PPP2R2B: variants seen among roughly 807,000 people sequenced by gnomAD.
PPP2R2B encodes protein phosphatase 2 regulatory subunit Bbeta, also known as serine/threonine-protein phosphatase 2A 55 kDa regulatory subunit B beta isoform.
In PPP2R2B, 5 loss-of-function variants were observed where a neutral mutation model predicts 46.0. The ratio of observed to expected loss-of-function variants is 0.11; its 90% CI spans 0.06 to 0.23. The LOEUF (loss-of-function observed/expected upper bound fraction) is 0.23. Ranked by LOEUF, PPP2R2B falls within the 10% of genes least tolerant of loss-of-function variation. PPP2R2B has a pLI of 1.00. For synonymous variants in PPP2R2B, 215 were observed against 206.7 expected (o/e 1.04, Z -0.34); for missense variants, 367 against 575.0 (o/e 0.64, Z 3.70).
intron 2 of PPP2R2B, among the ~76,000 whole-genome samples, chr5:146,745,951 T>C (rs1371921399): frequency 9.0e-6 from 1 of 111,666 alleles, no homozygotes; most frequent in Admixed American, 1.0e-4. Context: ...GAGAGAGACT[T>C]GGTCTCAAAG....
At chr5:146,673,558 A>G (rs1777511009) in intron 5 of PPP2R2B, among the ~76,000 whole-genome samples, 1 of 152,172 alleles carries the variant, frequency 6.6e-6, no homozygotes, top group Non-Finnish European at 1.5e-5. Context: ...CTGAGGGGAA[A>G]TGCATGGCCC....
At chr5:146,809,875 G>A (rs1757418715) in intron 2 of PPP2R2B, among the ~76,000 whole-genome samples, 1 of 152,186 alleles carries the variant, frequency 6.6e-6, no homozygotes. Context: ...AGTGCAGGTG[G>A]GAAATGGCAG....
intron 2 of PPP2R2B, among the ~76,000 whole-genome samples, chr5:146,875,854 A>C (rs1464996011): frequency 6.6e-6 from 1 of 152,168 alleles, no homozygotes; most frequent in Non-Finnish European, 1.5e-5. Flanking sequence ...GTATACTAAC[A>C]CTTCTTAAGG....
intron 2 of PPP2R2B, among the ~76,000 whole-genome samples, chr5:146,823,422 C>T (rs1758391123): frequency 1.3e-5 from 2 of 152,120 alleles, no homozygotes; most frequent in African/African-American, 4.8e-5. Context: ...TGGTCTTGAT[C>T]TCCTGACCTC....
chr5:146,842,107 A>T (rs959486603), intron 2 of PPP2R2B, among the ~76,000 whole-genome samples: 5 of 152,054 alleles, frequency 3.3e-5, no homozygotes, highest in Non-Finnish European at 7.4e-5. Context: ...GGAATACAAC[A>T]TCCTCCCCTT....
At chr5:147,012,966 A>T (rs1754816337) in intron 1 of PPP2R2B, among the ~76,000 whole-genome samples, 1 of 151,972 alleles carries the variant, frequency 6.6e-6, no homozygotes, top group African/African-American at 2.4e-5. Context: ...AGACGACATG[A>T]TTGTATATCT....
intron 2 of PPP2R2B, among the ~76,000 whole-genome samples, chr5:146,752,849 C>T (rs1335040012): frequency 1.3e-5 from 2 of 152,202 alleles, no homozygotes; most frequent in Non-Finnish European, 2.9e-5. Flanking sequence ...AACAGACTTT[C>T]ACTGTGCTAA....
chr5:147,023,695 T>G (rs1049397388), intron 1 of PPP2R2B, among the ~76,000 whole-genome samples: 3 of 152,138 alleles, frequency 2.0e-5, no homozygotes, highest in African/African-American at 4.8e-5. Flanking sequence ...GATACACAGA[T>G]AGCTGGTGAA....
intron 1 of PPP2R2B, among the ~76,000 whole-genome samples, chr5:146,982,136 C>T (rs1247199862): frequency 4.6e-5 from 7 of 152,182 alleles, no homozygotes; most frequent in African/African-American, 1.7e-4. Flanking sequence ...TCTTCTTTTG[C>T]TGGGTTCTTC....
intron 5 of PPP2R2B, among the ~76,000 whole-genome samples, chr5:146,654,096 T>C (rs1776166020): frequency 6.6e-6 from 1 of 152,124 alleles, no homozygotes; most frequent in East Asian, 1.9e-4. Flanking sequence ...AGGTCCACAG[T>C]CAATTGTTAA....
chr5:146,805,281 C>T (rs1476931585), intron 2 of PPP2R2B, among the ~76,000 whole-genome samples: 2 of 152,134 alleles, frequency 1.3e-5, no homozygotes, highest in African/African-American at 4.8e-5. Flanking sequence ...CAGAAGCATC[C>T]TTCTCTTTAC....
chr5:146,603,345 A>G (rs2151022195), intron 7 of PPP2R2B, among the ~76,000 whole-genome samples: 1 of 152,356 alleles, frequency 6.6e-6, no homozygotes, highest in South Asian at 2.1e-4. Flanking sequence ...TAATGTTTAA[A>G]TTGACAACAA....
chr5:146,976,123 A>ATTG (rs61300524), intron 1 of PPP2R2B, among the ~76,000 whole-genome samples: 68,517 of 146,094 alleles, frequency 0.47, 17,414 homozygotes, highest in Middle Eastern at 0.58. Flanking sequence ...TATTATTATT[A>ATTG]TTATTATTAT....
chr5:146,660,201 A>G (rs555400945), intron 5 of PPP2R2B, among the ~76,000 whole-genome samples: 93 of 152,334 alleles, frequency 6.1e-4, no homozygotes, highest in Non-Finnish European at 1.1e-3. Flanking sequence ...AATTCAGTGT[A>G]ACAAACCAAA....
At chr5:146,944,286 G>A (rs1261155292) in intron 1 of PPP2R2B, among the ~76,000 whole-genome samples, 1 of 152,110 alleles carries the variant, frequency 6.6e-6, no homozygotes, top group Non-Finnish European at 1.5e-5. Flanking sequence ...TGGGAGTGGG[G>A]TGGGAAACTA....
At chr5:146,969,569 C>T (rs1752576168) in intron 1 of PPP2R2B, among the ~76,000 whole-genome samples, 1 of 152,186 alleles carries the variant, frequency 6.6e-6, no homozygotes, top group South Asian at 2.1e-4. Flanking sequence ...CTAGACAAGG[C>T]TATACCCAGG....
intron 2 of PPP2R2B, among the ~76,000 whole-genome samples, chr5:146,811,939 C>G (rs1256995986): frequency 6.6e-6 from 1 of 151,984 alleles, no homozygotes; most frequent in Admixed American, 6.6e-5. Context: ...GTTCATTCAT[C>G]ACATCTCGAT....
At chr5:146,593,092 T>C (rs761355654) in intron 8 of PPP2R2B, 30 bp from the exon 9 acceptor site, 5 of 1,536,628 alleles carry the variant, frequency 3.3e-6, no homozygotes, top group Non-Finnish European at 4.5e-6. Flanking sequence ...AGAAGGTCAG[T>C]TATTATTTTA....
At chr5:146,739,699 C>A (rs1041911169) in intron 2 of PPP2R2B, among the ~76,000 whole-genome samples, 2 of 152,182 alleles carry the variant, frequency 1.3e-5, no homozygotes, top group South Asian at 4.1e-4. Flanking sequence ...TCTAGCCCTG[C>A]TGTGTTTCAT....
Sources: allele counts gnomAD v4.1 joint callset (sites outside exome capture counted in the v4.1 genomes callset), GRCh38; gene constraint gnomAD v4.1.1; transcripts MANE v1.5; gene names NCBI Gene and HGNC (gene_info 2026-07-23, HGNC 2026-07-21).